ANKFN1: variants seen among roughly 807,000 people sequenced by gnomAD.
ANKFN1 encodes the protein ankyrin repeat and fibronectin type-III domain-containing protein 1.
A neutral mutation model predicts 108.7 loss-of-function variants in ANKFN1; 74 were observed. That is an observed-to-expected ratio of 0.68 (90% CI 0.56 to 0.83). The LOEUF (loss-of-function observed/expected upper bound fraction) is 0.83. ANKFN1 is among the 40% of genes least tolerant of loss of function. The pLI is 0.00. For missense variants in ANKFN1, 1,505 were observed against 1,382.3 expected (o/e 1.09, Z -1.41); for synonymous variants, 547 against 516.2 (o/e 1.06, Z -0.81).
At chr17:56,319,449 C>A (rs897082176) in intron 3 of ANKFN1, among the ~76,000 whole-genome samples, 2 of 152,174 alleles carry the variant, frequency 1.3e-5, no homozygotes, top group Non-Finnish European at 2.9e-5. Context: ...CTTTGAATCA[C>A]CAATAAAAGA....
chr17:56,162,086 C>A (rs1235312121), intron 1 of ANKFN1, among the ~76,000 whole-genome samples: 1 of 152,130 alleles, frequency 6.6e-6, no homozygotes. Context: ...CCACCCCACC[C>A]CCAAGTGTAG....
intron 8 of ANKFN1, among the ~76,000 whole-genome samples, chr17:56,386,239 T>C (rs1192265613): frequency 1.3e-5 from 2 of 151,620 alleles, no homozygotes; most frequent in East Asian, 1.9e-4. Context: ...CCAAACACCA[T>C]ATGTTCTCAC....
intron 3 of ANKFN1, among the ~76,000 whole-genome samples, chr17:56,256,674 C>G (rs948402213): frequency 1.3e-5 from 2 of 151,886 alleles, no homozygotes; most frequent in Non-Finnish European, 2.9e-5. Context: ...AATTATGAAA[C>G]AAGCCCTTTA....
intron 1 of ANKFN1, among the ~76,000 whole-genome samples, chr17:56,210,364 A>G (rs1914892380): frequency 6.6e-6 from 1 of 152,192 alleles, no homozygotes; most frequent in Non-Finnish European, 1.5e-5. Context: ...AACAGTGTAA[A>G]TGTGTTCCCT....
chr17:56,123,944 T>G (rs138841942), intron 4 of ANKFN1, among the ~76,000 whole-genome samples: 3 of 152,096 alleles, frequency 2.0e-5, no homozygotes, highest in African/African-American at 7.2e-5. Flanking sequence ...AGGGATTCAG[T>G]AAGAACCCCC....
chr17:56,061,926 A>T (rs1904982062), intron 4 of ANKFN1, among the ~76,000 whole-genome samples: 1 of 152,128 alleles, frequency 6.6e-6, no homozygotes, highest in African/African-American at 2.4e-5. Flanking sequence ...GTTCTGGTAC[A>T]TTGCCTCTTT....
chr17:56,510,915 C>G lies in ANKFN1; in HGVS notation c.3087C>G (p.Leu1029=), dbSNP rs774194656. 7.9e-5 allele frequency: 121 copies of G among 1,536,060 alleles called. No individual in the cohort carries two copies. Among genetic ancestry groups the G allele is most frequent in the Non-Finnish European group, 1.1e-4 (121 of 1,146,928 alleles). ...ACAGCGAGACCCAGTCGCTATCGCT[C>G]TCTGAGGGCATTTATACACAGCACC... is the stretch of plus-strand genomic sequence containing the variant. ...RIHSETQSLS[L]SEGIYTQHLS... Residue 1029 remains leucine (L), a synonymous_variant, in exon 21 of 21, where the codon CTC becomes CTG. Transcript: ENST00000682825.
chr17:56,146,183 A>C (rs1908250750), intron 4 of ANKFN1, among the ~76,000 whole-genome samples: 1 of 152,158 alleles, frequency 6.6e-6, no homozygotes, highest in Non-Finnish European at 1.5e-5. Flanking sequence ...GCAAGAAGTG[A>C]GCTCTCATGA....
chr17:56,356,204 G>A (rs2046373454), intron 6 of ANKFN1, among the ~76,000 whole-genome samples: 1 of 152,062 alleles, frequency 6.6e-6, no homozygotes, highest in Non-Finnish European at 1.5e-5. Context: ...ACTTTTCTGA[G>A]CACTTTCCAT....
At chr17:56,188,581 G>GTGTATA (rs1212242378) in intron 1 of ANKFN1, among the ~76,000 whole-genome samples, 1,168 of 49,598 alleles carry the variant, frequency 0.024, 35 homozygotes, top group Non-Finnish European at 0.032. Context: ...GTGTGTGTGT[G>GTGTATA]TATATATATA....
At chr17:56,379,130 G>T (rs1489963060) in intron 8 of ANKFN1, among the ~76,000 whole-genome samples, 1 of 152,144 alleles carries the variant, frequency 6.6e-6, no homozygotes, top group African/African-American at 2.4e-5. Flanking sequence ...CGGGCGCGGT[G>T]GTTCATGCCT....
At chr17:56,063,013 C>T (rs1905001933) in intron 4 of ANKFN1, among the ~76,000 whole-genome samples, 1 of 152,136 alleles carries the variant, frequency 6.6e-6, no homozygotes, top group African/African-American at 2.4e-5. Context: ...ATGAAATTCT[C>T]AGAGGAAAAT....
At chr17:56,343,755 C>G (rs1233604980) in intron 4 of ANKFN1, among the ~76,000 whole-genome samples, 3 of 151,788 alleles carry the variant, frequency 2.0e-5, no homozygotes, top group Admixed American at 6.6e-5. Context: ...GCACTCTTCA[C>G]ATTTCTTCAT....
At chr17:56,414,176 T>G (rs2048174860) in intron 8 of ANKFN1, among the ~76,000 whole-genome samples, 1 of 152,140 alleles carries the variant, frequency 6.6e-6, no homozygotes, top group Non-Finnish European at 1.5e-5. Flanking sequence ...TCTGCCAGGT[T>G]TTGGTATTAG....
intron 1 of ANKFN1, among the ~76,000 whole-genome samples, chr17:56,205,337 G>C (rs1914440372): frequency 6.6e-6 from 1 of 152,132 alleles, no homozygotes; most frequent in Non-Finnish European, 1.5e-5. Flanking sequence ...ATTAGTTTTT[G>C]TGTGAACCAA....
chr17:56,102,246 A>T (rs1040771044), intron 4 of ANKFN1, among the ~76,000 whole-genome samples: 5 of 152,316 alleles, frequency 3.3e-5, no homozygotes, highest in African/African-American at 4.8e-5. Context: ...ACATCATTTT[A>T]TCTGGAGCCA....
chr17:56,264,279 C>T (rs1337954173), intron 3 of ANKFN1, among the ~76,000 whole-genome samples: 1 of 152,206 alleles, frequency 6.6e-6, no homozygotes, highest in Non-Finnish European at 1.5e-5. Flanking sequence ...TTCTCCTCTG[C>T]AGAAGGATTC....
At chr17:56,337,142 T>C (rs1350008670) in intron 4 of ANKFN1, among the ~76,000 whole-genome samples, 1 of 152,160 alleles carries the variant, frequency 6.6e-6, no homozygotes, top group African/African-American at 2.4e-5. Context: ...CTTCCAACTA[T>C]GTGGTCAATT....
intron 10 of ANKFN1, among the ~76,000 whole-genome samples, chr17:56,447,059 C>T (rs1432726498): frequency 6.6e-6 from 1 of 152,082 alleles, no homozygotes; most frequent in African/African-American, 2.4e-5. Flanking sequence ...CCTGTCTCTA[C>T]TTAAGCTACA....
Sources: gnomAD v4.1 joint callset for allele counts (sites outside exome capture counted in the v4.1 genomes callset) on GRCh38, gnomAD v4.1.1 for gene constraint, MANE v1.5 for transcripts, NCBI Gene and HGNC (gene_info 2026-07-23, HGNC 2026-07-21) for gene names.